Variants in MYO16 observed in about 807,000 individuals in gnomAD.
MYO16 encodes the protein unconventional myosin-XVI.
MYO16 carries 94 observed loss-of-function variants against 205.3 expected under a neutral mutation model. The ratio of observed to expected loss-of-function variants is 0.46; its 90% CI spans 0.39 to 0.54. The LOEUF is 0.54. MYO16 is among the 20% of genes least tolerant of loss of function. The pLI is 0.00. For missense variants in MYO16, 2,315 were observed against 2,387.5 expected, an observed-to-expected ratio of 0.97 and a Z score of 0.63; for synonymous variants, 988 against 954.0, an observed-to-expected ratio of 1.04 and a Z score of -0.66.
At chr13:108,897,525 C>G (rs1880484931) in intron 14 of MYO16, among the ~76,000 whole-genome samples, 1 of 151,980 alleles carries the variant, frequency 6.6e-6, no homozygotes, top group Admixed American at 6.6e-5. Flanking sequence ...AAATGGGGGT[C>G]AGGGTTGAAA....
chr13:108,644,362 G>GTCTGTCTGTCTGTCTGTCTGTCTA (rs1162945930), intron 1 of MYO16, among the ~76,000 whole-genome samples: 2 of 148,004 alleles, frequency 1.4e-5, no homozygotes, highest in South Asian at 4.4e-4. Context: ...CTGTCTGTCT[G>GTCTGTCTGTCTGTCTGTCTGTCTA]TCTATCTATC....
chr13:108,866,859 C>CA (rs1878744125), intron 12 of MYO16, among the ~76,000 whole-genome samples: 2 of 152,008 alleles, frequency 1.3e-5, no homozygotes, highest in Admixed American at 1.3e-4. Context: ...AACCAGGAGG[C>CA]AGGGAGTGGG....
intron 4 of MYO16, among the ~76,000 whole-genome samples, chr13:108,774,631 G>A (rs1886070551): frequency 6.6e-6 from 1 of 151,918 alleles, no homozygotes; most frequent in Non-Finnish European, 1.5e-5. Flanking sequence ...TTTTTATTGA[G>A]CTGCATAAGG....
intron 10 of MYO16, among the ~76,000 whole-genome samples, chr13:108,845,381 G>A (rs979764002): frequency 6.6e-6 from 1 of 152,230 alleles, no homozygotes; most frequent in Non-Finnish European, 1.5e-5. Flanking sequence ...CAGTCGTGGA[G>A]GCATCTGGAT....
chr13:109,193,014 A>G (rs1879990139), intron 34 of MYO16, among the ~76,000 whole-genome samples: 1 of 152,146 alleles, frequency 6.6e-6, no homozygotes, highest in African/African-American at 2.4e-5. Context: ...ATGTCTTCCA[A>G]TGACAGAATT....
At chr13:108,585,834 C>T in the MYO16 span, among the ~76,000 whole-genome samples, 58 of 152,122 alleles carry the variant, frequency 3.8e-4, no homozygotes, top group African/African-American at 1.3e-3. Context: ...ATAAAAAATC[C>T]GAGCTTAGTC....
At chr13:109,016,246 G>C (rs1033060159) in intron 22 of MYO16, among the ~76,000 whole-genome samples, 4 of 152,212 alleles carry the variant, frequency 2.6e-5, no homozygotes, top group African/African-American at 7.2e-5. Context: ...GGAGCAGGTT[G>C]TTCAGTTTCC....
the MYO16 span, among the ~76,000 whole-genome samples, chr13:108,584,523 TATTA>T: frequency 6.6e-6 from 1 of 152,084 alleles, no homozygotes; most frequent in South Asian, 2.1e-4. Flanking sequence ...ACAATTTTTT[TATTA>T]ATTATAGTTA....
Position 108,957,506 on chromosome 13 carries a change from A to G in MYO16, c.1926-182A>G, listed in dbSNP as rs74905946. Among the ~76,000 whole-genome samples the G allele has an allele frequency of 6.6e-5, 10 of 152,278 alleles. No homozygotes were observed. In the East Asian group the frequency reaches 1.9e-3, roughly 29 times the overall value. On this transcript the variant is annotated intron_variant, in intron 16 of 34. Coordinates refer to ENST00000457511, the MANE Select transcript of MYO16 (RefSeq NM_001198950.3). The stretch of plus-strand genomic sequence containing the variant: ...AATATGTCCTGGTACAACAAGAACT[A>G]ATGTTTTCCTTTCCTGAGATATCAT...
chr13:109,075,565 G>A (rs7319496), intron 27 of MYO16, among the ~76,000 whole-genome samples: 71,767 of 151,280 alleles, frequency 0.47, 17,316 homozygotes, highest in Middle Eastern at 0.53. Flanking sequence ...TAGTAGAGAC[G>A]GGGTTTCACT....
chr13:108,684,753 C>A (rs1032905446), intron 2 of MYO16, among the ~76,000 whole-genome samples: 2 of 152,042 alleles, frequency 1.3e-5, no homozygotes. Flanking sequence ...GCCTATGTAA[C>A]GAAGACTCCA....
chr13:108,707,866 T>C (rs1328741803), intron 2 of MYO16, among the ~76,000 whole-genome samples: 1 of 152,070 alleles, frequency 6.6e-6, no homozygotes, highest in Non-Finnish European at 1.5e-5. Context: ...ACAACAAAGC[T>C]CCTAAATCAA....
chr13:108,548,806 A>T, the MYO16 span, among the ~76,000 whole-genome samples: 6 of 152,312 alleles, frequency 3.9e-5, no homozygotes, highest in South Asian at 1.0e-3. Context: ...GTTTGCTAAG[A>T]ATTCATTAAT....
At chr13:109,012,037 T>A (rs575899651) in intron 22 of MYO16, among the ~76,000 whole-genome samples, 1 of 152,256 alleles carries the variant, frequency 6.6e-6, no homozygotes, top group South Asian at 2.1e-4. Context: ...TCTACACATT[T>A]AAAAGCACAG....
At chr13:108,747,766 C>A (rs979448504) in intron 4 of MYO16, among the ~76,000 whole-genome samples, 1 of 152,020 alleles carries the variant, frequency 6.6e-6, no homozygotes, top group Non-Finnish European at 1.5e-5. Flanking sequence ...TATGATCCAA[C>A]TCTAGGTCGT....
intron 16 of MYO16, 131 bp from the exon 17 acceptor site, chr13:108,957,556 GA>G: frequency 8.4e-6 from 5 of 594,528 alleles, no homozygotes. Context: ...CAAATGCTTT[GA>G]AAACACGTGG....
intron 4 of MYO16, among the ~76,000 whole-genome samples, chr13:108,751,497 C>T (rs117122100): frequency 0.011 from 1,625 of 152,172 alleles, 13 homozygotes; most frequent in Non-Finnish European, 0.016. Flanking sequence ...CTGAAGATTT[C>T]CAAATAAGTA....
At chr13:108,687,798 C>T (rs1283142773) in intron 2 of MYO16, among the ~76,000 whole-genome samples, 2 of 152,090 alleles carry the variant, frequency 1.3e-5, no homozygotes, top group Non-Finnish European at 2.9e-5. Context: ...CCAAAGTTTG[C>T]ATTGGTAGAA....
the MYO16 span, among the ~76,000 whole-genome samples, chr13:108,505,981 A>G: frequency 6.6e-6 from 1 of 152,066 alleles, no homozygotes; most frequent in Admixed American, 6.5e-5. Context: ...TATACACAAG[A>G]ATTTATTCTG....
Sources: allele counts gnomAD v4.1 joint callset (sites outside exome capture counted in the v4.1 genomes callset), GRCh38; gene constraint gnomAD v4.1.1; transcripts MANE v1.5; gene names NCBI Gene and HGNC (gene_info 2026-07-23, HGNC 2026-07-21).